Variants in ADGRF4 observed in about 807,000 individuals in gnomAD.
ADGRF4 encodes the protein adhesion G protein-coupled receptor F4, also known as G-protein coupled receptor PGR18.
In ADGRF4, 63 loss-of-function variants were observed where a neutral mutation model predicts 58.5. The ratio of observed to expected loss-of-function variants is 1.08; its 90% CI spans 0.88 to 1.33. The LOEUF (loss-of-function observed/expected upper bound fraction) is 1.33. Ranked by LOEUF, ADGRF4 falls within the 40% of genes most tolerant of loss-of-function variation. The pLI, the probability that ADGRF4 is intolerant of heterozygous loss-of-function variation, is 0.00. For synonymous variants in ADGRF4, 313 were observed against 295.4 expected (o/e 1.06, Z -0.61); for missense variants, 931 against 843.9 (o/e 1.10, Z -1.28).
rs746614420 is a variant in ADGRF4 at position 47,713,915 on chromosome 6, C to G, written c.670C>G (p.Gln224Glu). ...LLQSVNLFARQLHIHNNSENI... is the reference protein window; with the variant it reads ...LLQSVNLFARELHIHNNSENI... ...GCAGTCAGTGAATTTGTTTGCCAGA[C>G]AACTCCACATCCACAATAATTCTGA... is the stretch of plus-strand genomic sequence containing the variant. Residue 224 changes from glutamine to glutamate, a missense_variant, in exon 6 of 10, where the codon CAA becomes GAA. By Grantham distance (29) the Gln-to-Glu change is conservative (BLOSUM62 2). Coordinates refer to ENST00000283303, the MANE Select transcript of ADGRF4 (RefSeq NM_153838.5). 2.5e-6 allele frequency: 4 copies of G among 1,609,570 alleles called. No individual in the cohort carries two copies. Among genetic ancestry groups the G allele is most frequent in the African/African-American group, 1.3e-5 (1 of 74,704 alleles).
Position 47,717,364 on chromosome 6 carries a change from CT to C in ADGRF4, c.2034+17del. ...GAGGGCAGCTGAGGTAAGCCTTCCCCTTTTAGTCTCAGCCCTGGAGAGTCCG... is the reference window on the plus strand; with the variant it reads ...GAGGGCAGCTGAGGTAAGCCTTCCCCTTTAGTCTCAGCCCTGGAGAGTCCG... On this transcript the variant is annotated intron_variant, in intron 8 of 9. Transcript: ENST00000283303. 6.3e-7 allele frequency: 1 copy of C among 1,588,294 alleles called. No homozygotes were observed. The highest frequency in any genetic ancestry group is 8.6e-7 in the Non-Finnish European group (1 of 1,156,516).
In ADGRF4 at chr6:47,707,298, C is replaced by A. The variant is rs1771737023; in HGVS notation, c.53C>A (p.Ser18Tyr). 2.5e-6 allele frequency: 4 copies of A among 1,612,552 alleles called. No homozygotes were observed. Among genetic ancestry groups the A allele is most frequent in the Non-Finnish European group, 3.4e-6 (4 of 1,178,692 alleles). Reference sequence around the variant, plus strand: ...ATTTGCTGCTTAGTGTTCTTTCTGTCCACAGAATGTTCCCACTATAGATCC... The same window carrying A: ...ATTTGCTGCTTAGTGTTCTTTCTGTACACAGAATGTTCCCACTATAGATCC... ...TMICCLVFFL[S>Y]TECSHYRSKI... is the part of the protein sequence containing the mutation. The change falls in exon 2 of 10, where the codon TCC (serine) becomes TAC (tyrosine). Residue 18 changes from serine (S) to tyrosine (Y), a missense_variant. By Grantham distance (144) the Ser-to-Tyr change is moderately radical. Transcript: ENST00000283303.
At chr6:47,701,301 G>T (rs143608381) in intron 1 of ADGRF4, among the ~76,000 whole-genome samples, 1 of 152,306 alleles carries the variant, frequency 6.6e-6, no homozygotes, top group Admixed American at 6.5e-5. Flanking sequence ...ATTATAGTGG[G>T]TAATTAACAC....
At chr6:47,705,613 T>C (rs1771691463) in intron 1 of ADGRF4, among the ~76,000 whole-genome samples, 1 of 152,232 alleles carries the variant, frequency 6.6e-6, no homozygotes, top group Admixed American at 6.5e-5. Context: ...GGAAGCATTC[T>C]TGTAAGTGCC....
chr6:47,714,038 A>G lies in ADGRF4; in HGVS notation c.793A>G (p.Thr265Ala). The change falls in exon 6 of 10, where the codon ACC becomes GCC. Residue 265 changes from threonine to alanine, a missense_variant. Physicochemically the swap from Thr to Ala is moderately conservative, Grantham distance 58. Transcript: ENST00000283303. ...CAATTTCTCCATGAGCATGAACAAT[A>G]CCACAGAAGATATCTTAGGAATGGT... The part of the protein sequence containing the change: ...SLNFSMSMNN[T>A]TEDILGMVQI... 1 of 1,612,340 alleles carries G rather than the reference A, an allele frequency of 6.2e-7. No homozygotes were observed.
Position 47,705,578 on chromosome 6 carries a change from G to A in ADGRF4, c.-16-1652G>A, listed in dbSNP as rs569464661. The stretch of plus-strand genomic sequence containing the variant: ...CACCTTCCCCTCTGTTCATTGGTTA[G>A]AAACTTGAAACTCAAAGATAATTTG... On this transcript the variant is annotated intron_variant, in intron 1 of 9. Transcript: ENST00000283303. Among the ~76,000 whole-genome samples the A allele has an allele frequency of 5.3e-5, 8 of 152,326 alleles. No individual in the cohort carries two copies. In the East Asian group the frequency reaches 1.5e-3, roughly 29 times the overall value.
intron 3 of ADGRF4, 126 bp downstream of exon 3, chr6:47,708,404 T>C: frequency 1.5e-6 from 1 of 669,866 alleles, no homozygotes; most frequent in Non-Finnish European, 2.7e-6. Flanking sequence ...CAGTAAGTCC[T>C]CTGTGCTTAC....
chr6:47,717,170 A>T (rs1330057274), intron 7 of ADGRF4, 122 bp from the exon 8 acceptor site: 1 of 760,608 alleles, frequency 1.3e-6, no homozygotes, highest in Non-Finnish European at 2.4e-6. Context: ...CTTGCCAGTC[A>T]CTATGCTAAG....
At chr6:47,712,279 T>C in intron 4 of ADGRF4, 78 bp from the exon 5 acceptor site, 3 of 1,418,334 alleles carry the variant, frequency 2.1e-6, no homozygotes, top group South Asian at 2.5e-5. Flanking sequence ...CCCATGTAGA[T>C]TGTGCTTTAA....
Position 47,717,301 on chromosome 6 carries a change from G to A in ADGRF4, c.1984G>A (p.Ala662Thr), listed in dbSNP as rs772959776. 2 of 1,609,788 alleles carry A rather than the reference G, an allele frequency of 1.2e-6. No homozygotes were observed. Among genetic ancestry groups the A allele is most frequent in the South Asian group, 2.2e-5 (2 of 91,008 alleles). Residue 662 changes from alanine to threonine, a missense_variant, in exon 8 of 10, where the codon GCT becomes ACT. Transcript: ENST00000283303. ...GTCATTGCTTCTTTAGATAAGAGAT[G>A]CTTTGAGGATGAGGATGTCTTCACT... The part of the protein sequence containing the change: ...GTIMDHKIRD[A>T]LRMRMSSLKG...
At chr6:47,702,086 G>A (rs990815195) in intron 1 of ADGRF4, among the ~76,000 whole-genome samples, 2 of 152,182 alleles carry the variant, frequency 1.3e-5, no homozygotes, top group African/African-American at 2.4e-5. Flanking sequence ...TGGTCCACCC[G>A]CCTTGGCCTC....
intron 6 of ADGRF4, among the ~76,000 whole-genome samples, chr6:47,716,558 A>G (rs1772023614): frequency 6.6e-6 from 1 of 152,184 alleles, no homozygotes; most frequent in South Asian, 2.1e-4. Context: ...ACTATCCTAC[A>G]TCTACAGCCA....
rs1771978994 is a variant in ADGRF4 at position 47,715,034 on chromosome 6, G to A, written c.1789G>A (p.Val597Met). The A allele has an allele frequency of 6.2e-7, 1 of 1,613,526 alleles. No homozygotes were observed. The change falls in exon 6 of 10, where the codon GTG becomes ATG. Residue 597 changes from valine (V) to methionine (M), a missense_variant. Transcript: ENST00000283303. ...PSIGSSKSQDVVIIMRISKNV... is the reference protein window; with the variant it reads ...PSIGSSKSQDMVIIMRISKNV... Reference sequence around the variant, plus strand: ...TATTGGCAGTTCCAAGTCTCAGGATGTGGTCATAATTATGAGGATCAGCAA... The same window carrying A: ...TATTGGCAGTTCCAAGTCTCAGGATATGGTCATAATTATGAGGATCAGCAA...
rs1200499188 is a variant in ADGRF4 at position 47,714,052 on chromosome 6, C to G, written c.807C>G (p.Ile269Met). Residue 269 changes from isoleucine (I) to methionine (M), a missense_variant, in exon 6 of 10, where the codon ATC becomes ATG. Coordinates refer to ENST00000283303, the MANE Select transcript of ADGRF4 (RefSeq NM_153838.5). Reference sequence around the variant, plus strand: ...GCATGAACAATACCACAGAAGATATCTTAGGAATGGTACAGATTCCCAGGC... The same window carrying G: ...GCATGAACAATACCACAGAAGATATGTTAGGAATGGTACAGATTCCCAGGC... ...SMSMNNTTED[I>M]LGMVQIPRQE... The G allele has an allele frequency of 6.2e-7, 1 of 1,613,750 alleles. No homozygotes were observed. The highest frequency in any genetic ancestry group is 8.5e-7 in the Non-Finnish European group (1 of 1,179,886).
Position 47,717,349 on chromosome 6 carries a change from G to A in ADGRF4, c.2032G>A (p.Glu678Lys), listed in dbSNP as rs758852307. The A allele has an allele frequency of 6.2e-6, 10 of 1,607,246 alleles. No individual in the cohort carries two copies. The African/African-American group carries it at 1.2e-4, about 19-fold the overall frequency. ...SSLKGKSRAA[E>K]NASLGPTNGS... is the part of the protein sequence containing the mutation. The stretch of plus-strand genomic sequence containing the variant: ...ACTGAAGGGGAAATCGAGGGCAGCT[G>A]AGGTAAGCCTTCCCCTTTTAGTCTC... The change falls in exon 8 of 10, where the codon GAG (glutamate) becomes AAG (lysine). Residue 678 changes from glutamate to lysine, a missense_variant and splice_region_variant. Glu to Lys is a moderately conservative substitution (Grantham distance 56). Coordinates refer to ENST00000283303, the MANE Select transcript of ADGRF4 (RefSeq NM_153838.5).
In ADGRF4 at chr6:47,714,387, C is replaced by T; in HGVS notation, c.1142C>T (p.Thr381Ile). Residue 381 changes from threonine (T) to isoleucine (I), a missense_variant, in exon 6 of 10, where the codon ACC becomes ATC. Transcript: ENST00000283303. ...GAAGTGAAATGCCGCTGTAACTACA[C>T]CAGTGTGGTGATGTCTTTTTCCATT... The part of the protein sequence containing the change: ...RNEVKCRCNY[T>I]SVVMSFSILM... The T allele has an allele frequency of 6.2e-7, 1 of 1,614,140 alleles. No individual in the cohort carries two copies. Among genetic ancestry groups the T allele is most frequent in the Non-Finnish European group, 8.5e-7 (1 of 1,180,030 alleles).
In ADGRF4 at chr6:47,712,407, G is replaced by A. The variant is rs1401351085; in HGVS notation, c.351G>A (p.Leu117=). Residue 117 remains leucine (L), a synonymous_variant, in exon 5 of 10, where the codon CTG becomes CTA. Transcript: ENST00000283303. ...CTGTAGCAGCACCATCTATACCTCT[G>A]CATATTCTAGACTTTCGAGCTCCAG... ...RLSVAAPSIP[L]HILDFRAPET... is the part of the protein sequence containing the mutation. 1 of 1,613,872 alleles carries A rather than the reference G, an allele frequency of 6.2e-7. No individual in the cohort carries two copies. The highest frequency in any genetic ancestry group is 8.5e-7 in the Non-Finnish European group (1 of 1,179,764).
chr6:47,717,494 G>T, intron 8 of ADGRF4, 143 bp downstream of exon 8: 2 of 684,566 alleles, frequency 2.9e-6, no homozygotes, highest in South Asian at 3.2e-5. Context: ...TTCTTCATTC[G>T]GTAAATTTGG....
intron 9 of ADGRF4, among the ~76,000 whole-genome samples, chr6:47,719,596 T>A (rs1772109681): frequency 6.6e-6 from 1 of 152,104 alleles, no homozygotes; most frequent in Non-Finnish European, 1.5e-5. Flanking sequence ...TCTATTAAGG[T>A]CCTACTTAAA....
Sources: gnomAD v4.1 joint callset for allele counts (sites outside exome capture counted in the v4.1 genomes callset) on GRCh38, gnomAD v4.1.1 for gene constraint, MANE v1.5 for transcripts, NCBI Gene and HGNC (gene_info 2026-07-23, HGNC 2026-07-21) for gene names.